PCDH9: variants seen among roughly 807,000 people sequenced by gnomAD.
PCDH9 encodes protocadherin-9.
Under a neutral mutation model 70.6 loss-of-function variants are expected in PCDH9, and 24 were observed. That is an observed-to-expected ratio of 0.34 (90% CI 0.25 to 0.48). The LOEUF is 0.48. Among genes scored for constraint, PCDH9 ranks in the 20% least tolerant of loss-of-function variants. PCDH9 has a pLI of 0.99. For synonymous variants in PCDH9, 562 were observed against 558.5 expected (o/e 1.01, Z -0.09); for missense variants, 1,281 against 1,503.6 (o/e 0.85, Z 2.45).
intron 2 of PCDH9, among the ~76,000 whole-genome samples, chr13:66,969,178 G>C (rs1246084733): frequency 6.6e-6 from 1 of 151,964 alleles, no homozygotes; most frequent in Admixed American, 6.6e-5. Flanking sequence ...ATACCGCTTA[G>C]TGATTTGATT....
At chr13:66,682,343 C>A (rs1593886585) in intron 3 of PCDH9, among the ~76,000 whole-genome samples, 2 of 145,464 alleles carry the variant, frequency 1.4e-5, no homozygotes, top group South Asian at 4.6e-4. Context: ...ATGCCTGTAG[C>A]TGTATTTATT....
rs565614506 is a variant in PCDH9, at chr13:67,129,343, A to G, written c.3036+96062T>C. 3.3e-5 allele frequency among the ~76,000 whole-genome samples: 5 copies of G among 152,330 alleles called. No homozygotes were observed. The South Asian group carries it at 8.3e-4, about 25-fold the overall frequency. On this transcript the variant is annotated intron_variant, in intron 2 of 4. Transcript: ENST00000377865. ...TGCCTATGGTTTAAAAAGTGTAAGC[A>G]ATTATGAGTTACATGTTAGTAATAA...
intron 2 of PCDH9, among the ~76,000 whole-genome samples, chr13:66,975,227 A>G (rs1485712548): frequency 1.3e-5 from 2 of 152,022 alleles, no homozygotes; most frequent in Non-Finnish European, 2.9e-5. Context: ...CAAATTAGTG[A>G]ATTATAACAA....
chr13:67,112,290 C>T (rs1469666650), intron 2 of PCDH9, among the ~76,000 whole-genome samples: 2 of 152,118 alleles, frequency 1.3e-5, no homozygotes, highest in Non-Finnish European at 2.9e-5. Flanking sequence ...TATGTATTTA[C>T]CTTCAAAGTA....
intron 3 of PCDH9, among the ~76,000 whole-genome samples, chr13:66,700,987 G>A (rs1211161741): frequency 3.2e-5 from 4 of 124,710 alleles, no homozygotes; most frequent in African/African-American, 1.2e-4. Flanking sequence ...CACAGGTATA[G>A]GGCATTAATT....
At chr13:67,099,217 A>G (rs967120182) in intron 2 of PCDH9, among the ~76,000 whole-genome samples, 5 of 152,198 alleles carry the variant, frequency 3.3e-5, no homozygotes, top group African/African-American at 1.2e-4. Flanking sequence ...CTTCTCTTTT[A>G]CCATAGAAAA....
chr13:66,337,281 C>T (rs1956052562), intron 4 of PCDH9, among the ~76,000 whole-genome samples: 1 of 151,928 alleles, frequency 6.6e-6, no homozygotes, highest in South Asian at 2.1e-4. Context: ...ATATATTTAT[C>T]AACAAGATTG....
At chr13:67,062,678 A>G (rs2085562545) in intron 2 of PCDH9, among the ~76,000 whole-genome samples, 1 of 152,172 alleles carries the variant, frequency 6.6e-6, no homozygotes, top group Non-Finnish European at 1.5e-5. Flanking sequence ...TTGTATACAG[A>G]TATATTTCAT....
At chr13:66,649,412 G>C (rs1404867657) in intron 3 of PCDH9, among the ~76,000 whole-genome samples, 1 of 151,792 alleles carries the variant, frequency 6.6e-6, no homozygotes, top group African/African-American at 2.4e-5. Flanking sequence ...TGACATATTT[G>C]AAGTGCAAAA....
chr13:66,719,871 G>C (rs558902128), intron 3 of PCDH9, among the ~76,000 whole-genome samples: 4 of 152,130 alleles, frequency 2.6e-5, no homozygotes, highest in Non-Finnish European at 4.4e-5. Context: ...GTTCAGTCAG[G>C]AATATGATTC....
chr13:66,982,164 G>C lies in PCDH9; in HGVS notation c.3037-78559C>G, dbSNP rs77867296. 9.8e-3 allele frequency among the ~76,000 whole-genome samples: 1,491 copies of C among 152,230 alleles called. 28 individuals are homozygous for C. The highest frequency in any genetic ancestry group is 0.034 in the African/African-American group (1,424 of 41,532). ...CCTGCTTTCACAATGTGAAGTGCCT[G>C]CTCCGGCTTCGCCTTCCACCGTGAG... On this transcript the variant is annotated intron_variant, in intron 2 of 4. Coordinates refer to ENST00000377865, the MANE Select transcript of PCDH9 (RefSeq NM_203487.3).
intron 2 of PCDH9, among the ~76,000 whole-genome samples, chr13:67,125,725 T>A (rs910472468): frequency 6.6e-6 from 1 of 152,180 alleles, no homozygotes; most frequent in African/African-American, 2.4e-5. Flanking sequence ...GTACTTGTCT[T>A]TCCCATATTC....
intron 4 of PCDH9, among the ~76,000 whole-genome samples, chr13:66,426,632 C>A (rs569090217): frequency 3.2e-4 from 48 of 151,520 alleles, no homozygotes; most frequent in Non-Finnish European, 6.7e-4. Context: ...TTCATGGTAG[C>A]AGCTAAAAAA....
intron 3 of PCDH9, among the ~76,000 whole-genome samples, chr13:66,721,740 A>G (rs2078944174): frequency 6.6e-6 from 1 of 152,216 alleles, no homozygotes; most frequent in Admixed American, 6.5e-5. Context: ...TAGGCCTCTC[A>G]TAGCCAATAT....
intron 4 of PCDH9, among the ~76,000 whole-genome samples, chr13:66,371,989 T>A (rs1206754911): frequency 6.6e-6 from 1 of 152,018 alleles, no homozygotes; most frequent in East Asian, 1.9e-4. Flanking sequence ...TTAGCAAATA[T>A]GAAGCTATCA....
chr13:67,014,353 C>T (rs1438437042), intron 2 of PCDH9, among the ~76,000 whole-genome samples: 1 of 152,056 alleles, frequency 6.6e-6, no homozygotes, highest in Non-Finnish European at 1.5e-5. Flanking sequence ...TCTCATATTG[C>T]TTTCCTCGCA....
chr13:66,562,728 G>A (rs995705807), intron 4 of PCDH9, among the ~76,000 whole-genome samples: 1 of 152,164 alleles, frequency 6.6e-6, no homozygotes, highest in Admixed American at 6.5e-5. Flanking sequence ...TGGAGACACA[G>A]CCAAATGGTA....
chr13:66,955,725 T>A (rs2083256358), intron 2 of PCDH9, among the ~76,000 whole-genome samples: 1 of 152,216 alleles, frequency 6.6e-6, no homozygotes, highest in Non-Finnish European at 1.5e-5. Context: ...AAAAGATACA[T>A]TTTAAAGATC....
At chr13:67,196,628 G>T (rs1334062260) in intron 2 of PCDH9, among the ~76,000 whole-genome samples, 1 of 152,018 alleles carries the variant, frequency 6.6e-6, no homozygotes, top group Non-Finnish European at 1.5e-5. Context: ...TTTTGTACGT[G>T]TTCCAAAAAT....
Sources: allele counts gnomAD v4.1 joint callset (sites outside exome capture counted in the v4.1 genomes callset), GRCh38; gene constraint gnomAD v4.1.1; transcripts MANE v1.5; gene names NCBI Gene and HGNC (gene_info 2026-07-23, HGNC 2026-07-21).